Variants in MAP4 observed in about 807,000 individuals in gnomAD.
MAP4 encodes the protein microtubule associated protein 4.
In MAP4, 76 loss-of-function variants were observed where a neutral mutation model predicts 170.2. The ratio of observed to expected loss-of-function variants is 0.45; its 90% CI spans 0.37 to 0.54. The LOEUF (loss-of-function observed/expected upper bound fraction) is 0.54, where lower values mean the gene tolerates loss of function less well. Ranked by LOEUF, MAP4 falls within the 20% of genes least tolerant of loss-of-function variation. MAP4 has a pLI of 0.00. For synonymous variants in MAP4, 909 were observed against 994.5 expected (o/e 0.91, Z 1.62); for missense variants, 2,506 against 2,748.0 (o/e 0.91, Z 1.97).
At chr3:47,987,641 T>C (rs2100089599) in intron 2 of MAP4, among the ~76,000 whole-genome samples, 1 of 152,244 alleles carries the variant, frequency 6.6e-6, no homozygotes, top group South Asian at 2.1e-4. Context: ...TGTGAACATA[T>C]CCCAAGCTAA....
At chr3:47,992,547 C>A (rs959674518) in intron 2 of MAP4, among the ~76,000 whole-genome samples, 1 of 152,114 alleles carries the variant, frequency 6.6e-6, no homozygotes, top group Non-Finnish European at 1.5e-5. Flanking sequence ...CCTACCTCAG[C>A]TTCCTGTGTA....
At chr3:47,926,276 C>T (rs747986473) in intron 4 of MAP4, among the ~76,000 whole-genome samples, 7 of 151,806 alleles carry the variant, frequency 4.6e-5, no homozygotes, top group Non-Finnish European at 8.8e-5. Context: ...CTCTGCCTCC[C>T]GGGCTCAAAC....
intron 10 of MAP4, among the ~76,000 whole-genome samples, chr3:47,897,534 T>C (rs1443919543): frequency 6.6e-6 from 1 of 152,180 alleles, no homozygotes; most frequent in Non-Finnish European, 1.5e-5. Context: ...ACAGTATGCA[T>C]ACACATGTGT....
intron 1 of MAP4, among the ~76,000 whole-genome samples, chr3:48,073,627 GAA>G (rs1239565733): frequency 6.7e-6 from 1 of 148,150 alleles, no homozygotes; most frequent in Non-Finnish European, 1.5e-5. Flanking sequence ...AAAAAAAGAA[GAA>G]AAAAAAAGTT....
intron 1 of MAP4, among the ~76,000 whole-genome samples, chr3:48,006,699 C>T (rs962215491): frequency 5.3e-5 from 8 of 152,222 alleles, no homozygotes; most frequent in African/African-American, 1.9e-4. Flanking sequence ...TCAGTGCCAC[C>T]ATCAAGGACT....
chr3:47,866,336 A>G (rs77261892), intron 17 of MAP4, among the ~76,000 whole-genome samples: 59 of 150,660 alleles, frequency 3.9e-4, no homozygotes, highest in African/African-American at 1.4e-3. Context: ...ACTCTGTATC[A>G]AAACAAAAAC....
chr3:47,957,395 T>C (rs2100068472), intron 3 of MAP4, among the ~76,000 whole-genome samples: 1 of 152,076 alleles, frequency 6.6e-6, no homozygotes, highest in Admixed American at 6.6e-5. Flanking sequence ...GGTCTCGAAC[T>C]CCTAACCTCA....
intron 17 of MAP4, 100 bp downstream of exon 17, chr3:47,867,143 TCAG>T: frequency 1.3e-6 from 1 of 784,538 alleles, no homozygotes; most frequent in Non-Finnish European, 2.2e-6. Flanking sequence ...ACGCTACAGC[TCAG>T]GTCACTGGGA....
chr3:48,023,382 T>C (rs1470551261), intron 1 of MAP4, among the ~76,000 whole-genome samples: 3 of 152,128 alleles, frequency 2.0e-5, no homozygotes, highest in Non-Finnish European at 4.4e-5. Context: ...CAAATGAACA[T>C]GTACAATATA....
rs762879190 is a variant in MAP4 at position 47,857,547 on chromosome 3, G to T, written c.6502-35C>A. 18 of 1,470,572 alleles carry T rather than the reference G, an allele frequency of 1.2e-5. No individual in the cohort carries two copies. In the East Asian group the frequency reaches 3.7e-4, roughly 30 times the overall value. The allele number at this position is 1,470,572 out of a possible 1,614,324, so 91.1% of individuals were successfully genotyped here. ...AGGACACAAAAGACTCATTCAGAGAGAAGGTATACTGTCAGAGCCAACCCC... is the reference window on the plus strand; with the variant it reads ...AGGACACAAAAGACTCATTCAGAGATAAGGTATACTGTCAGAGCCAACCCC... On this transcript the variant is annotated intron_variant, in intron 17 of 20. Transcript: ENST00000683076.
upstream of MAP4, among the ~76,000 whole-genome samples, chr3:48,019,181 A>C (rs1023112511): frequency 3.3e-5 from 5 of 152,078 alleles, no homozygotes; most frequent in Admixed American, 2.6e-4. Flanking sequence ...CTACAAAAAA[A>C]AATGTTTTTA....
At chr3:48,088,836 G>C (rs1428385782) in exon 1 of MAP4, 2 of 152,714 alleles carry the variant, frequency 1.3e-5, no homozygotes, top group African/African-American at 4.8e-5. Flanking sequence ...AGAGCCGTGA[G>C]GAGGTAGGAG....
intron 3 of MAP4, among the ~76,000 whole-genome samples, chr3:47,931,491 T>G (rs997067162): frequency 2.6e-5 from 4 of 152,150 alleles, no homozygotes; most frequent in African/African-American, 4.8e-5. Context: ...TCTTTTTTTG[T>G]TGTTGAGACA....
chr3:47,892,678 A>G, intron 10 of MAP4: 1 of 1,379,008 alleles, frequency 7.3e-7, no homozygotes. Flanking sequence ...AAAGAAAGAA[A>G]GAAAGGAAGA....
At chr3:48,057,603 CAATAAAAA>C (rs2100132870) in intron 1 of MAP4, among the ~76,000 whole-genome samples, 2 of 40,846 alleles carry the variant, frequency 4.9e-5, no homozygotes, top group African/African-American at 6.8e-5. Context: ...CAAGAATTAT[CAATAAAAA>C]AATAAATAAA....
At chr3:48,031,506 G>A (rs765938553) in intron 1 of MAP4, among the ~76,000 whole-genome samples, 25 of 152,006 alleles carry the variant, frequency 1.6e-4, no homozygotes, top group Non-Finnish European at 1.3e-4. Context: ...AGCCAAGGTC[G>A]CGCCACTGCA....
At chr3:47,964,411 T>C (rs1200105288) in intron 3 of MAP4, among the ~76,000 whole-genome samples, 2 of 152,164 alleles carry the variant, frequency 1.3e-5, no homozygotes, top group East Asian at 1.9e-4. Context: ...CAGAAGAGGA[T>C]AGGGAAACCA....
intron 2 of MAP4, among the ~76,000 whole-genome samples, chr3:47,988,459 G>A (rs966085687): frequency 9.9e-5 from 15 of 152,066 alleles, no homozygotes; most frequent in African/African-American, 3.1e-4. Context: ...GGAAATATGT[G>A]GTGGGACCAT....
At chr3:48,044,998 T>C (rs1032672525) in intron 1 of MAP4, among the ~76,000 whole-genome samples, 2 of 151,532 alleles carry the variant, frequency 1.3e-5, no homozygotes, top group African/African-American at 4.9e-5. Context: ...GTCTCACACC[T>C]GAGATCCCAG....
Sources: allele counts gnomAD v4.1 joint callset (sites outside exome capture counted in the v4.1 genomes callset), GRCh38; gene constraint gnomAD v4.1.1; transcripts MANE v1.5; gene names NCBI Gene and HGNC (gene_info 2026-07-23, HGNC 2026-07-21).